Variants in DDX60L observed in about 807,000 individuals in gnomAD.
The protein encoded by DDX60L is DExD/H-box 60 like.
DDX60L carries 191 observed loss-of-function variants against 211.6 expected under a neutral mutation model. The ratio of observed to expected loss-of-function variants is 0.90; its 90% CI spans 0.80 to 1.02. The LOEUF is 1.02. DDX60L is among the 50% of genes least tolerant of loss of function. The pLI is 0.00. For missense variants in DDX60L, 2,007 were observed against 1,984.1 expected, an observed-to-expected ratio of 1.01 and a Z score of -0.22; for synonymous variants, 706 against 694.1, an observed-to-expected ratio of 1.02 and a Z score of -0.27.
rs375360590 is a variant in DDX60L, at chr4:168,422,605, T to C, written c.2163A>G (p.Gln721=). 6.6e-5 allele frequency: 107 copies of C among 1,613,770 alleles called. No homozygotes were observed. The highest frequency in any genetic ancestry group is 4.2e-4 in the East Asian group (19 of 44,876). Reference sequence around the variant, plus strand: ...CTCTTATCAAGTAATGGCCCATGTATTGCAGTTGAAACCGAGCTGGTCCAA... The same window carrying C: ...CTCTTATCAAGTAATGGCCCATGTACTGCAGTTGAAACCGAGCTGGTCCAA... ...IDIGPARFQL[Q]YMGHYLIRDE... Residue 721 remains glutamine, a synonymous_variant, in exon 16 of 38, where the codon CAA becomes CAG. Transcript: ENST00000682922.
intron 22 of DDX60L, among the ~76,000 whole-genome samples, chr4:168,413,099 A>G (rs1425920682): frequency 6.6e-6 from 1 of 152,232 alleles, no homozygotes; most frequent in Admixed American, 6.5e-5. Context: ...GAAGACTACA[A>G]TAAATGCCTA....
At chr4:168,409,155 T>C (rs17054112) in intron 22 of DDX60L, among the ~76,000 whole-genome samples, 34,206 of 152,132 alleles carry the variant, frequency 0.22, 4,024 homozygotes, top group East Asian at 0.28. Flanking sequence ...CATGTCTCTC[T>C]AGTTGTCTAG....
intron 33 of DDX60L, among the ~76,000 whole-genome samples, chr4:168,376,560 A>T (rs1579237729): frequency 6.6e-6 from 1 of 152,348 alleles, no homozygotes; most frequent in East Asian, 1.9e-4. Context: ...GACAATTTCC[A>T]CAAGCCTACT....
intron 19 of DDX60L, among the ~76,000 whole-genome samples, chr4:168,417,859 T>C (rs1004452344): frequency 6.6e-6 from 1 of 152,192 alleles, no homozygotes; most frequent in Non-Finnish European, 1.5e-5. Flanking sequence ...GACTTACTAA[T>C]CAAGGCTAGT....
intron 29 of DDX60L, chr4:168,390,242 A>AAG: frequency 9.5e-7 from 1 of 1,057,828 alleles, no homozygotes; most frequent in Non-Finnish European, 1.1e-6. Flanking sequence ...TTTGGCAAGG[A>AAG]AGAGAAAAAA....
At chr4:168,449,635 AAC>A (rs201110750) in intron 8 of DDX60L, among the ~76,000 whole-genome samples, 618 of 50,100 alleles carry the variant, frequency 0.012, 23 homozygotes, top group African/African-American at 0.041. Context: ...AAAACATTAA[AAC>A]AAAAAAAAAA....
chr4:168,455,102 T>C lies in DDX60L; in HGVS notation c.837+937A>G, dbSNP rs367868053. Among the ~76,000 whole-genome samples, 9 of 152,226 alleles carry C rather than the reference T, an allele frequency of 5.9e-5. No homozygotes were observed. In the South Asian group the frequency reaches 1.9e-3, roughly 32 times the overall value. On this transcript the variant is annotated intron_variant, in intron 7 of 37. Coordinates refer to ENST00000682922, the MANE Select transcript of DDX60L (RefSeq NM_001012967.3). ...TTTTATGAAAACATGCTGATAGATTTAAGAAATGGACAATTTTCTCCTATA... is the reference window on the plus strand; with the variant it reads ...TTTTATGAAAACATGCTGATAGATTCAAGAAATGGACAATTTTCTCCTATA...
chr4:168,478,443 A>T (rs770743213), intron 1 of DDX60L, among the ~76,000 whole-genome samples: 3 of 152,216 alleles, frequency 2.0e-5, no homozygotes, highest in Non-Finnish European at 4.4e-5. Flanking sequence ...TTTCTTAGAG[A>T]ATTGTATTTC....
intron 5 of DDX60L, among the ~76,000 whole-genome samples, chr4:168,458,513 T>A (rs1309172859): frequency 6.6e-6 from 1 of 152,128 alleles, no homozygotes; most frequent in East Asian, 1.9e-4. Flanking sequence ...GGGACATGGA[T>A]GGAGCTCGAA....
At chr4:168,422,022 G>A (rs1750718205) in intron 16 of DDX60L, 113 bp from the exon 17 acceptor site, 3 of 1,364,870 alleles carry the variant, frequency 2.2e-6, no homozygotes, top group African/African-American at 1.4e-5. Flanking sequence ...CTACCTTTGG[G>A]GGAACTCCCT....
chr4:168,410,066 A>G (rs1240019349), intron 22 of DDX60L, among the ~76,000 whole-genome samples: 3 of 152,198 alleles, frequency 2.0e-5, no homozygotes, highest in Non-Finnish European at 4.4e-5. Flanking sequence ...TGAGCTAGCT[A>G]TAAGGTAATC....
chr4:168,428,556 C>T (rs1051075767), intron 13 of DDX60L, among the ~76,000 whole-genome samples: 10 of 152,084 alleles, frequency 6.6e-5, no homozygotes, highest in African/African-American at 2.4e-4. Flanking sequence ...ATTCCCTTTC[C>T]TACTCCAGTT....
In DDX60L at chr4:168,415,816, G is replaced by T. The variant is rs1749462251; in HGVS notation, c.2727-17C>A. 2.0e-6 allele frequency: 3 copies of T among 1,482,374 alleles called. No homozygotes were observed. Among genetic ancestry groups the T allele is most frequent in the Admixed American group, 2.6e-5 (1 of 39,206 alleles). The allele number at this position is 1,482,374 out of a possible 1,614,324, so 91.8% of individuals were successfully genotyped here. ...TGCAGCCACCTTACAGAATAAACAT[G>T]CATATAATTTAAATAAAATATAGAA... On this transcript the variant is annotated splice_polypyrimidine_tract_variant and intron_variant, in intron 20 of 37. Transcript: ENST00000682922.
chr4:168,461,792 A>G lies in DDX60L; in HGVS notation c.513T>C (p.Asn171=), dbSNP rs911449682. 2 of 1,605,274 alleles carry G rather than the reference A, an allele frequency of 1.2e-6. No homozygotes were observed. The highest frequency in any genetic ancestry group is 2.2e-5 in the East Asian group (1 of 44,792). Residue 171 remains asparagine (N), a synonymous_variant, in exon 5 of 38, where the codon AAT becomes AAC. Transcript: ENST00000682922. ...ATTCATGCCCTGATGAAAGCACAACATTGACTTTCATTCCCCAGGAATGTA... is the reference window on the plus strand; with the variant it reads ...ATTCATGCCCTGATGAAAGCACAACGTTGACTTTCATTCCCCAGGAATGTA... ...LIIHSWGMKV[N]VVLSSGHESD...
chr4:168,420,712 A>G (rs1662307996), intron 17 of DDX60L, among the ~76,000 whole-genome samples: 3 of 151,342 alleles, frequency 2.0e-5, no homozygotes, highest in Admixed American at 6.6e-5. Context: ...CAGATATTAC[A>G]TATCATGTAT....
chr4:168,446,106 G>A (rs1049894482), intron 9 of DDX60L, among the ~76,000 whole-genome samples: 30 of 151,014 alleles, frequency 2.0e-4, no homozygotes, highest in Middle Eastern at 3.4e-3. Flanking sequence ...GTTTGCAGAC[G>A]ACATGATTGT....
intron 1 of DDX60L, among the ~76,000 whole-genome samples, chr4:168,479,687 G>T (rs567178912): frequency 5.3e-5 from 8 of 152,084 alleles, no homozygotes; most frequent in Non-Finnish European, 1.2e-4. Flanking sequence ...GCTTAAATCC[G>T]GCCGGGCGCG....
intron 35 of DDX60L, among the ~76,000 whole-genome samples, chr4:168,372,674 C>T (rs186485847): frequency 4.0e-5 from 6 of 151,758 alleles, no homozygotes; most frequent in Admixed American, 3.9e-4. Context: ...ATGCAGTGAG[C>T]CGAGATAGTG....
intron 35 of DDX60L, among the ~76,000 whole-genome samples, chr4:168,373,147 T>C (rs1487341309): frequency 3.9e-5 from 6 of 152,138 alleles, no homozygotes; most frequent in African/African-American, 1.4e-4. Context: ...AGGGATAAAA[T>C]AAGCCAGTGC....
Sources: gnomAD v4.1 joint callset for allele counts (sites outside exome capture counted in the v4.1 genomes callset) on GRCh38, gnomAD v4.1.1 for gene constraint, MANE v1.5 for transcripts, NCBI Gene and HGNC (gene_info 2026-07-23, HGNC 2026-07-21) for gene names.